TNC: variants seen among roughly 807,000 people sequenced by gnomAD.
TNC encodes tenascin C, also known as tenascin.
In TNC, 109 loss-of-function variants were observed where a neutral mutation model predicts 202.4. The ratio of observed to expected loss-of-function variants is 0.54; its 90% CI spans 0.46 to 0.63. The LOEUF (loss-of-function observed/expected upper bound fraction) is 0.63. Among genes scored for constraint, TNC ranks in the 30% least tolerant of loss-of-function variants. TNC has a pLI of 0.00. For synonymous variants in TNC, 1,007 were observed against 1,089.7 expected (o/e 0.92, Z 1.50); for missense variants, 2,756 against 2,833.3 (o/e 0.97, Z 0.62).
At chr9:115,041,588 G>T (rs2131977668) in intron 18 of TNC, among the ~76,000 whole-genome samples, 1 of 152,210 alleles carries the variant, frequency 6.6e-6, no homozygotes, top group East Asian at 1.9e-4. Flanking sequence ...CTTAGAATTT[G>T]GGGGCTAGTG....
Position 115,086,334 on chromosome 9 carries a change from C to T in TNC, c.1397G>A (p.Ser466Asn). The T allele has an allele frequency of 6.2e-7, 1 of 1,614,238 alleles. No individual in the cohort carries two copies. Among genetic ancestry groups the T allele is most frequent in the Admixed American group, 1.7e-5 (1 of 60,022 alleles). Residue 466 changes from serine (S) to asparagine (N), a missense_variant, in exon 3 of 28, where the codon AGT becomes AAT. Physicochemically the swap from Ser to Asn is conservative, Grantham distance 46. Transcript: ENST00000350763. ...ACAGTCATTAGGGCAGCTCATGTCA[C>T]TGCAGTCATAGCCCTTGAAGCCTTG... ...CEQGFKGYDCSDMSCPNDCHQ... is the reference protein window; with the variant it reads ...CEQGFKGYDCNDMSCPNDCHQ...
At chr9:115,073,325 A>G (rs1833598644) in intron 10 of TNC, among the ~76,000 whole-genome samples, 1 of 152,266 alleles carries the variant, frequency 6.6e-6, no homozygotes, top group Non-Finnish European at 1.5e-5. Flanking sequence ...AACAAAAATC[A>G]TAGGTAAATG....
chr9:115,094,718 G>T (rs1440294789), intron 1 of TNC, among the ~76,000 whole-genome samples: 4 of 152,088 alleles, frequency 2.6e-5, no homozygotes, highest in African/African-American at 9.7e-5. Flanking sequence ...TTGTAGTTGA[G>T]AAAACCAAGG....
At chr9:115,033,285 C>T (rs539581152) in intron 22 of TNC, among the ~76,000 whole-genome samples, 1 of 152,204 alleles carries the variant, frequency 6.6e-6, no homozygotes, top group African/African-American at 2.4e-5. Flanking sequence ...GGGATGAGTG[C>T]TCATTTAATA....
At chr9:115,041,430 A>G (rs1002905743) in intron 18 of TNC, among the ~76,000 whole-genome samples, 6 of 152,140 alleles carry the variant, frequency 3.9e-5, no homozygotes, top group Non-Finnish European at 7.3e-5. Context: ...GAAGCTTACT[A>G]TGTAATGTAT....
At position 115,084,484 on chromosome 9, in the gene TNC, A is replaced by C; in HGVS notation, c.1868-12T>G. The C allele has an allele frequency of 6.2e-7, 1 of 1,612,918 alleles. No homozygotes were observed. Among genetic ancestry groups the C allele is most frequent in the Non-Finnish European group, 8.5e-7 (1 of 1,179,218 alleles). On this transcript the variant is annotated splice_polypyrimidine_tract_variant and intron_variant, in intron 3 of 27. Transcript: ENST00000350763. The stretch of plus-strand genomic sequence containing the variant: ...TTTGGGAGGAGACACTGGCAGGAAT[A>C]AGAAAGGACATCTGGTGTCAACAGT...
chr9:115,068,419 G>C lies in TNC; in HGVS notation c.3215-3500C>G, dbSNP rs541530905. On this transcript the variant is annotated intron_variant, in intron 10 of 27. Coordinates refer to ENST00000350763, the MANE Select transcript of TNC (RefSeq NM_002160.4). ...ATCTTCTAGATAGTGATTACCAAGTGCTGGCTTGATGAGGAACTCACTTCA... is the reference window on the plus strand; with the variant it reads ...ATCTTCTAGATAGTGATTACCAAGTCCTGGCTTGATGAGGAACTCACTTCA... Among the ~76,000 whole-genome samples the C allele has an allele frequency of 1.1e-4, 16 of 152,294 alleles. 1 individual carries two copies. The highest frequency in any genetic ancestry group is 2.6e-4 in the African/African-American group (11 of 41,548).
intron 27 of TNC, 82 bp downstream of exon 27, chr9:115,023,891 G>C: frequency 6.8e-7 from 1 of 1,480,760 alleles, no homozygotes; most frequent in Non-Finnish European, 9.3e-7. Flanking sequence ...TCTCTGCTAG[G>C]ATAGGGAGTT....
At position 115,076,461 on chromosome 9, in the gene TNC, A is replaced by G. The variant is rs1417796176; in HGVS notation, c.2789T>C (p.Ile930Thr). 3.1e-6 allele frequency: 5 copies of G among 1,613,966 alleles called. No homozygotes were observed. The South Asian group carries it at 3.3e-5, about 11-fold the overall frequency. ...IDSYRIKYAPISGGDHAEVDV... is the reference protein window; with the variant it reads ...IDSYRIKYAPTSGGDHAEVDV... ...AACCTCAGCGTGGTCCCCTCCAGAG[A>G]TGGGGGCATACTTAATTCTGTAACT... Residue 930 changes from isoleucine to threonine, a missense_variant, in exon 8 of 28, where the codon ATC becomes ACC. Ile to Thr is a moderately conservative substitution (Grantham distance 89). Transcript: ENST00000350763.
In TNC at chr9:115,036,247, C is replaced by G; in HGVS notation, c.5513-6G>C. 1 of 1,614,028 alleles carries G rather than the reference C, an allele frequency of 6.2e-7. No individual in the cohort carries two copies. Among genetic ancestry groups the G allele is most frequent in the Non-Finnish European group, 8.5e-7 (1 of 1,179,948 alleles). ...CGTGCGTGTAATTTCTGGCACTAAA[C>G]ATGAAATACACATACCAAGGCAGTC... is the stretch of plus-strand genomic sequence containing the variant. On this transcript the variant is annotated splice_region_variant and splice_polypyrimidine_tract_variant and intron_variant, in intron 20 of 27. Transcript: ENST00000350763.
chr9:115,078,392 C>T (rs2133219084), intron 6 of TNC, among the ~76,000 whole-genome samples, 180 bp from the exon 7 acceptor site: 1 of 152,014 alleles, frequency 6.6e-6, no homozygotes, highest in Non-Finnish European at 1.5e-5. Flanking sequence ...GGGATAACAG[C>T]AGCTACCTCT....
intron 10 of TNC, 141 bp from the exon 11 acceptor site, chr9:115,065,060 T>G: frequency 1.1e-6 from 1 of 892,558 alleles, no homozygotes; most frequent in South Asian, 1.7e-5. Context: ...CATCCCCTAC[T>G]GGTGCTGTCC....
intron 20 of TNC, among the ~76,000 whole-genome samples, chr9:115,036,684 G>C (rs1830359134): frequency 6.6e-6 from 1 of 152,198 alleles, no homozygotes. Context: ...TCATTAGGCT[G>C]AGGGGTCACA....
At chr9:115,062,718 C>CTA (rs1039454893) in intron 13 of TNC, among the ~76,000 whole-genome samples, 199 bp downstream of exon 13, 1 of 150,988 alleles carries the variant, frequency 6.6e-6, no homozygotes, top group African/African-American at 2.4e-5. Flanking sequence ...ATATGTGTAT[C>CTA]TATATATATA....
At chr9:115,052,834 T>C (rs541240878) in intron 15 of TNC, 24 of 702,708 alleles carry the variant, frequency 3.4e-5, no homozygotes, top group Middle Eastern at 4.6e-4. Context: ...CCACCAAGCC[T>C]GTGATGTGAG....
intron 25 of TNC, among the ~76,000 whole-genome samples, chr9:115,029,035 GAAAAAAA>G (rs71375266): frequency 4.2e-5 from 3 of 71,222 alleles, no homozygotes; most frequent in African/African-American, 1.1e-4. Flanking sequence ...ATTATCTCTG[GAAAAAAA>G]AAAAAAAAAA....
intron 20 of TNC, 114 bp downstream of exon 20, chr9:115,038,147 C>A: frequency 7.1e-7 from 1 of 1,401,906 alleles, no homozygotes; most frequent in Non-Finnish European, 9.6e-7. Context: ...TTTCAACCTA[C>A]CCATGCATTT....
At chr9:115,042,091 G>A in intron 18 of TNC, 128 bp downstream of exon 18, 1 of 1,388,458 alleles carries the variant, frequency 7.2e-7, no homozygotes, top group East Asian at 2.3e-5. Flanking sequence ...TCTCCAGATG[G>A]TCTCACAAAT....
chr9:115,031,093 G>A (rs1356320261), intron 23 of TNC, among the ~76,000 whole-genome samples: 1 of 152,162 alleles, frequency 6.6e-6, no homozygotes, highest in African/African-American at 2.4e-5. Context: ...GACAGGTTTT[G>A]TAAACACTGG....
Sources: allele counts gnomAD v4.1 joint callset (sites outside exome capture counted in the v4.1 genomes callset), GRCh38; gene constraint gnomAD v4.1.1; transcripts MANE v1.5; gene names NCBI Gene and HGNC (gene_info 2026-07-23, HGNC 2026-07-21).